ABLIM1: variants seen among roughly 807,000 people sequenced by gnomAD.
The protein encoded by ABLIM1 is actin binding LIM protein 1.
ABLIM1 carries 40 observed loss-of-function variants against 107.0 expected under a neutral mutation model. That is an observed-to-expected ratio of 0.37 (90% confidence interval 0.29 to 0.49). The LOEUF is 0.49. ABLIM1 is among the 20% of genes least tolerant of loss of function. The pLI, the probability that ABLIM1 is intolerant of heterozygous loss-of-function variation, is 0.97. For synonymous variants in ABLIM1, 357 were observed against 357.3 expected (o/e 1.00, Z 0.01); for missense variants, 857 against 1,008.5 (o/e 0.85, Z 2.04).
At chr10:114,602,086 G>T in intron 1 of ABLIM1, 125 bp from the exon 2 acceptor site, 1 of 1,246,688 alleles carries the variant, frequency 8.0e-7, no homozygotes, top group Non-Finnish European at 1.1e-6. Flanking sequence ...TGTGAACAGA[G>T]CAGTCCCTCC....
the ABLIM1 span, among the ~76,000 whole-genome samples, chr10:114,789,442 A>G: frequency 5.9e-5 from 9 of 152,058 alleles, no homozygotes; most frequent in Non-Finnish European, 1.2e-4. Context: ...TGAGCTTCCC[A>G]TTGACATCAA....
intron 2 of ABLIM1, among the ~76,000 whole-genome samples, chr10:114,587,162 T>G (rs1343664692): frequency 6.6e-6 from 1 of 152,252 alleles, no homozygotes; most frequent in Non-Finnish European, 1.5e-5. Context: ...AGGCTAATTC[T>G]TGAAAAATGT....
chr10:114,590,337 C>T (rs897137136), intron 2 of ABLIM1, among the ~76,000 whole-genome samples: 2 of 152,118 alleles, frequency 1.3e-5, no homozygotes, highest in Non-Finnish European at 2.9e-5. Context: ...ACCCCAACCA[C>T]GGAGATGCTG....
rs771015001 is a variant in ABLIM1 at position 114,439,224 on chromosome 10, T to C, written c.2094A>G (p.Ala698=). Residue 698 remains alanine (A), a synonymous_variant, in exon 21 of 23, where the codon GCA becomes GCG. Coordinates refer to ENST00000533213, the MANE Select transcript of ABLIM1 (RefSeq NM_002313.7). ...YQTLPDGHMP[A]MRMDRGVSMP... ...TAGACACTCCTCGGTCCATTCTCAT[T>C]GCAGGCATGTGGCCATCTGGGAGTG... is the stretch of plus-strand genomic sequence containing the variant. The C allele has an allele frequency of 6.2e-7, 1 of 1,614,240 alleles. No homozygotes were observed. Among genetic ancestry groups the C allele is most frequent in the Non-Finnish European group, 8.5e-7 (1 of 1,180,036 alleles).
intron 6 of ABLIM1, among the ~76,000 whole-genome samples, chr10:114,510,030 G>C (rs2061638523): frequency 6.6e-6 from 1 of 152,098 alleles, no homozygotes; most frequent in Non-Finnish European, 1.5e-5. Context: ...GAACAGCATG[G>C]AAAAGACCCA....
intron 1 of ABLIM1, among the ~76,000 whole-genome samples, chr10:114,616,915 C>A (rs1431025617): frequency 6.6e-6 from 1 of 152,184 alleles, no homozygotes; most frequent in African/African-American, 2.4e-5. Context: ...TCCTTATTTT[C>A]TGATGAGGAA....
At chr10:114,651,767 T>A (rs1409512336) in intron 1 of ABLIM1, among the ~76,000 whole-genome samples, 6 of 152,106 alleles carry the variant, frequency 3.9e-5, no homozygotes, top group Non-Finnish European at 8.8e-5. Context: ...CCTTGCAAGA[T>A]GTAGAAGTAA....
chr10:114,533,807 G>C lies in ABLIM1; in HGVS notation c.894+11198C>G, dbSNP rs115397720. Among the ~76,000 whole-genome samples, 432 of 152,226 alleles carry C rather than the reference G, an allele frequency of 2.8e-3. 5 individuals are homozygous for C. The highest frequency in any genetic ancestry group is 0.01 in the African/African-American group (419 of 41,548). Reference sequence around the variant, plus strand: ...TCCCCCTGCTTCAGCCTCCCAAATAGCTGGGACTATAGACCCTCACCAACA... The same window carrying C: ...TCCCCCTGCTTCAGCCTCCCAAATACCTGGGACTATAGACCCTCACCAACA... On this transcript the variant is annotated intron_variant, in intron 6 of 22. Transcript: ENST00000533213.
At chr10:114,581,292 T>C (rs1027928354) in intron 2 of ABLIM1, among the ~76,000 whole-genome samples, 1 of 152,186 alleles carries the variant, frequency 6.6e-6, no homozygotes, top group African/African-American at 2.4e-5. Context: ...AACAGAACAG[T>C]ATTTTAATGG....
Position 114,436,185 on chromosome 10 carries a change from T to C in ABLIM1, c.*75A>G, listed in dbSNP as rs954881113. The C allele has an allele frequency of 1.4e-5, 17 of 1,195,122 alleles. No homozygotes were observed. In the African/African-American group the frequency reaches 2.5e-4, roughly 17 times the overall value. 74.0% of individuals were successfully genotyped at this position (1,195,122 alleles called of 1,614,324 possible). ...TAGTTTGCAAATTCTCCAATCAAGT[T>C]TGGGCCTCAATATGACATCCTATGG... On this transcript the variant is annotated 3_prime_UTR_variant, in exon 23 of 23. Coordinates refer to ENST00000533213, the MANE Select transcript of ABLIM1 (RefSeq NM_002313.7).
intron 2 of ABLIM1, among the ~76,000 whole-genome samples, chr10:114,592,849 A>G (rs1439935957): frequency 6.6e-6 from 1 of 152,168 alleles, no homozygotes; most frequent in African/African-American, 2.4e-5. Flanking sequence ...TGAAATTAGA[A>G]GGCTGAAGAA....
rs540686810 is a variant in ABLIM1, at chr10:114,738,951, G to A, written c.-213+29110C>T. ...AGATGCTAAAATGTCTTAGTAATGG[G>A]GGTGAAAGTATTGTTTCTTCTCAGG... is the stretch of plus-strand genomic sequence containing the variant. On this transcript the variant is annotated intron_variant, in intron 1 of 15. Coordinates refer to the ABLIM1 transcript ENST00000651092. 2.0e-5 allele frequency among the ~76,000 whole-genome samples: 3 copies of A among 152,248 alleles called. No individual in the cohort carries two copies. The East Asian group carries it at 5.8e-4, about 29-fold the overall frequency.
rs559346278 is a variant in ABLIM1 at position 114,734,683 on chromosome 10, C to T, written c.-213+33378G>A. ...GTGTGCTTTCCTGCCCGTGACATGA[C>T]TTATCCTGGCACCAAATCCTCATCT... On this transcript the variant is annotated intron_variant, in intron 1 of 15. Coordinates refer to the ABLIM1 transcript ENST00000651092. 7.8e-4 allele frequency among the ~76,000 whole-genome samples: 119 copies of T among 152,300 alleles called. 1 individual carries two copies. The South Asian group carries it at 0.024, about 30-fold the overall frequency.
intron 2 of ABLIM1, among the ~76,000 whole-genome samples, chr10:114,584,589 ATG>A (rs2073982808): frequency 6.6e-6 from 1 of 152,176 alleles, no homozygotes; most frequent in Non-Finnish European, 1.5e-5. Flanking sequence ...ATCAACAATA[ATG>A]TGAGGGGGCA....
chr10:114,623,262 T>G (rs1239550199), intron 1 of ABLIM1, among the ~76,000 whole-genome samples: 1 of 152,246 alleles, frequency 6.6e-6, no homozygotes, highest in Non-Finnish European at 1.5e-5. Context: ...CATTCTGAAT[T>G]AATGTTGCCT....
intron 21 of ABLIM1, 121 bp from the exon 22 acceptor site, chr10:114,438,045 G>A (rs1039673364): frequency 1.1e-5 from 10 of 891,138 alleles, no homozygotes; most frequent in East Asian, 7.8e-5. Context: ...GACAGAATTC[G>A]AGTGATGGGT....
chr10:114,437,988 A>G (rs2059666445), intron 21 of ABLIM1, 64 bp from the exon 22 acceptor site: 4 of 1,460,506 alleles, frequency 2.7e-6, no homozygotes, highest in Non-Finnish European at 3.8e-6. Flanking sequence ...AGCAGAATCC[A>G]CCTAAACGCT....
At chr10:114,613,833 T>G in intron 1 of ABLIM1, 18 of 931,602 alleles carry the variant, frequency 1.9e-5, no homozygotes, top group African/African-American at 3.5e-5. Context: ...TCAAGCTCTC[T>G]TATGACCTAA....
In ABLIM1 at chr10:114,690,218, G is replaced by A. The variant is rs1037429427; in HGVS notation, c.-213+77843C>T. On this transcript the variant is annotated intron_variant, in intron 1 of 15. Transcript: ENST00000651092. The stretch of plus-strand genomic sequence containing the variant: ...CATTCCTGGACCCAAAGCGCCCCGT[G>A]GCCTCCACAATATTTATGCCTTCTT... 4 of 1,439,234 alleles carry A rather than the reference G, an allele frequency of 2.8e-6. No individual in the cohort carries two copies. The African/African-American group carries it at 4.2e-5, about 15-fold the overall frequency. 89.2% of individuals were successfully genotyped at this position (1,439,234 alleles called of 1,614,324 possible).
Sources: allele counts gnomAD v4.1 joint callset (sites outside exome capture counted in the v4.1 genomes callset), GRCh38; gene constraint gnomAD v4.1.1; transcripts MANE v1.5; gene names NCBI Gene and HGNC (gene_info 2026-07-23, HGNC 2026-07-21).